RNF150: variants seen among roughly 807,000 people sequenced by gnomAD.
The protein encoded by RNF150 is ring finger protein 150.
In RNF150, 24 loss-of-function variants were observed where a neutral mutation model predicts 39.3. The ratio of observed to expected loss-of-function variants is 0.61; its 90% CI spans 0.44 to 0.86. RNF150 has a LOEUF of 0.86. Ranked by LOEUF, RNF150 falls within the 40% of genes least tolerant of loss-of-function variation. RNF150 has a pLI of 0.00. For synonymous variants in RNF150, 255 were observed against 227.3 expected (o/e 1.12, Z -1.10); for missense variants, 502 against 587.8 (o/e 0.85, Z 1.51).
At chr4:141,161,253 C>T (rs191152989) in intron 1 of RNF150, among the ~76,000 whole-genome samples, 1 of 152,250 alleles carries the variant, frequency 6.6e-6, no homozygotes, top group African/African-American at 2.4e-5. Flanking sequence ...TTTGACTGTA[C>T]CCCTGCCCTA....
chr4:141,206,708 C>A (rs1177895652), intron 1 of RNF150, among the ~76,000 whole-genome samples: 1 of 151,844 alleles, frequency 6.6e-6, no homozygotes, highest in African/African-American at 2.4e-5. Flanking sequence ...AGGGACAGAA[C>A]CAATAGGATA....
At chr4:141,097,211 C>A (rs560501105) in intron 1 of RNF150, among the ~76,000 whole-genome samples, 43 of 152,208 alleles carry the variant, frequency 2.8e-4, no homozygotes, top group African/African-American at 9.6e-4. Flanking sequence ...AAACAAAGGA[C>A]CTTCTTGTGT....
At chr4:140,945,612 A>T (rs1165469277) in intron 4 of RNF150, among the ~76,000 whole-genome samples, 3 of 36,866 alleles carry the variant, frequency 8.1e-5, no homozygotes, top group Middle Eastern at 0.011. Context: ...ACATATATAT[A>T]CTACATATAT....
At chr4:141,034,436 T>G (rs184933624) in intron 1 of RNF150, among the ~76,000 whole-genome samples, 128 of 152,272 alleles carry the variant, frequency 8.4e-4, no homozygotes, top group Non-Finnish European at 1.4e-3. Flanking sequence ...GCAAAAATGG[T>G]GTTTTGCTTT....
At chr4:140,886,620 G>C (rs1308787134) in intron 6 of RNF150, among the ~76,000 whole-genome samples, 4 of 152,004 alleles carry the variant, frequency 2.6e-5, no homozygotes, top group Non-Finnish European at 1.5e-5. Flanking sequence ...AGGAACAAAA[G>C]TTTTATTTAT....
rs78522795 is a variant in RNF150 at position 140,923,355 on chromosome 4, A to C, written c.987+2622T>G. Reference sequence around the variant, plus strand: ...CAAAAGAAGACATTTATGCAGCCAAAAGACACATGAAAAAATGCTCACCAT... The same window carrying C: ...CAAAAGAAGACATTTATGCAGCCAACAGACACATGAAAAAATGCTCACCAT... On this transcript the variant is annotated intron_variant, in intron 5 of 6. Transcript: ENST00000515673. Among the ~76,000 whole-genome samples the C allele has an allele frequency of 3.4e-4, 51 of 152,070 alleles. 1 individual carries two copies. In the South Asian group the frequency reaches 8.3e-3, roughly 25 times the overall value.
At chr4:140,986,439 C>T (rs1734018474) in intron 1 of RNF150, among the ~76,000 whole-genome samples, 1 of 152,010 alleles carries the variant, frequency 6.6e-6, no homozygotes, top group African/African-American at 2.4e-5. Context: ...AATTTATATT[C>T]CCACTAGTAA....
At chr4:141,200,761 G>T (rs1728277758) in intron 1 of RNF150, among the ~76,000 whole-genome samples, 1 of 152,140 alleles carries the variant, frequency 6.6e-6, no homozygotes, top group South Asian at 2.1e-4. Flanking sequence ...AGGTACAAAA[G>T]CATCATCAAG....
intron 5 of RNF150, among the ~76,000 whole-genome samples, chr4:140,921,980 G>A (rs1002891787): frequency 1.3e-5 from 2 of 149,540 alleles, no homozygotes; most frequent in African/African-American, 4.9e-5. Context: ...AAAATAATAA[G>A]AGCTATCTAT....
At chr4:141,183,364 T>C (rs1308827898) in intron 1 of RNF150, among the ~76,000 whole-genome samples, 2 of 152,144 alleles carry the variant, frequency 1.3e-5, no homozygotes, top group Non-Finnish European at 2.9e-5. Flanking sequence ...ATATGCCTTA[T>C]GTAATCACTT....
intron 1 of RNF150, among the ~76,000 whole-genome samples, chr4:141,186,195 G>A (rs1359492289): frequency 6.6e-6 from 1 of 152,122 alleles, no homozygotes; most frequent in African/African-American, 2.4e-5. Context: ...ATTTATTACT[G>A]CCTCAATTTC....
chr4:141,137,860 T>C (rs1727050784), upstream of RNF150, among the ~76,000 whole-genome samples: 1 of 152,158 alleles, frequency 6.6e-6, no homozygotes, highest in African/African-American at 2.4e-5. Flanking sequence ...TCCTGGCCTT[T>C]GGGGGACTTT....
chr4:140,890,528 G>A (rs1312265076), intron 6 of RNF150, among the ~76,000 whole-genome samples: 2 of 152,176 alleles, frequency 1.3e-5, no homozygotes, highest in Admixed American at 1.3e-4. Flanking sequence ...AGGTTTAGAT[G>A]TGGTTATGAG....
chr4:141,048,574 A>C (rs996996009), intron 1 of RNF150, among the ~76,000 whole-genome samples: 1 of 152,076 alleles, frequency 6.6e-6, no homozygotes, highest in African/African-American at 2.4e-5. Context: ...CTAGAGAAAA[A>C]ATTTAAAAAT....
At chr4:141,168,725 A>G (rs1191604707) in intron 1 of RNF150, among the ~76,000 whole-genome samples, 2 of 152,184 alleles carry the variant, frequency 1.3e-5, no homozygotes. Context: ...GTTCTCACTC[A>G]TAAATGGGAG....
At chr4:140,960,657 C>T (rs1732985121) in intron 2 of RNF150, among the ~76,000 whole-genome samples, 1 of 152,014 alleles carries the variant, frequency 6.6e-6, no homozygotes, top group South Asian at 2.1e-4. Flanking sequence ...GATGAAACCT[C>T]AATAAAAACC....
At chr4:141,146,692 A>G (rs1727205863) in intron 1 of RNF150, among the ~76,000 whole-genome samples, 1 of 152,200 alleles carries the variant, frequency 6.6e-6, no homozygotes, top group Non-Finnish European at 1.5e-5. Context: ...GCCATTGAAT[A>G]TTAGCCAAAC....
chr4:141,177,225 A>C (rs924954414), intron 1 of RNF150, among the ~76,000 whole-genome samples: 2 of 151,994 alleles, frequency 1.3e-5, no homozygotes, highest in Non-Finnish European at 1.5e-5. Context: ...GTAAGACCTT[A>C]TCTCTTAAAA....
chr4:141,007,486 G>A (rs73860241), intron 1 of RNF150, among the ~76,000 whole-genome samples: 1 of 152,088 alleles, frequency 6.6e-6, no homozygotes, highest in Non-Finnish European at 1.5e-5. Flanking sequence ...AGGTCTATAA[G>A]TATATTTTAT....
Sources: allele counts gnomAD v4.1 joint callset (sites outside exome capture counted in the v4.1 genomes callset), GRCh38; gene constraint gnomAD v4.1.1; transcripts MANE v1.5; gene names NCBI Gene and HGNC (gene_info 2026-07-23, HGNC 2026-07-21).